Variants in C3orf52 observed in about 807,000 individuals in gnomAD.
C3orf52 encodes the protein chromosome 3 open reading frame 52.
A neutral mutation model predicts 24.8 loss-of-function variants in C3orf52; 22 were observed. That is an observed-to-expected ratio of 0.89 (90% CI 0.63 to 1.27). The LOEUF (loss-of-function observed/expected upper bound fraction) is 1.27, where lower values mean the gene tolerates loss of function less well. Ranked by LOEUF, C3orf52 falls within the 50% of genes most tolerant of loss-of-function variation. C3orf52 has a pLI of 0.00. For missense variants in C3orf52, 265 were observed against 260.7 expected (o/e 1.02, Z -0.11); for synonymous variants, 93 against 100.2 (o/e 0.93, Z 0.43).
chr3:112,105,080 G>A (rs951690175), intron 3 of C3orf52, among the ~76,000 whole-genome samples: 2 of 152,152 alleles, frequency 1.3e-5, no homozygotes, highest in South Asian at 2.1e-4. Flanking sequence ...AGTCAGATAT[G>A]AGGAAATTCT....
At chr3:112,112,900 A>G (rs2074098635) in intron 4 of C3orf52, 64 bp from the exon 5 acceptor site, 4 of 1,347,880 alleles carry the variant, frequency 3.0e-6, no homozygotes, top group Non-Finnish European at 4.2e-6. Flanking sequence ...GTTATTGCTT[A>G]AATTCATTTC....
chr3:112,132,355 C>A (rs2107817786), downstream of C3orf52, among the ~76,000 whole-genome samples: 1 of 152,286 alleles, frequency 6.6e-6, no homozygotes, highest in Non-Finnish European at 1.5e-5. Flanking sequence ...CTTACTCTCT[C>A]TAGATCACCC....
At chr3:112,089,261 C>T (rs966283593) in intron 1 of C3orf52, among the ~76,000 whole-genome samples, 2 of 152,188 alleles carry the variant, frequency 1.3e-5, no homozygotes, top group Admixed American at 6.5e-5. Flanking sequence ...TACAGCGGCT[C>T]ACGCCTGTAA....
chr3:112,119,456 C>T (rs748064424), downstream of C3orf52: 37 of 702,728 alleles, frequency 5.3e-5, no homozygotes, highest in Middle Eastern at 2.3e-4. Context: ...AATCAGAGGA[C>T]GTTTTTTTGT....
chr3:112,087,568 A>G (rs746850000), intron 1 of C3orf52, among the ~76,000 whole-genome samples: 91 of 152,208 alleles, frequency 6.0e-4, no homozygotes, highest in Non-Finnish European at 1.2e-3. Context: ...AGGAAATTCA[A>G]AAGTTGAAAG....
intron 2 of C3orf52, among the ~76,000 whole-genome samples, chr3:112,094,320 CTGTT>C (rs751733487): frequency 7.9e-5 from 12 of 152,088 alleles, no homozygotes; most frequent in Non-Finnish European, 1.0e-4. Flanking sequence ...TTAGAAATGA[CTGTT>C]TATTTTATTA....
downstream of C3orf52, among the ~76,000 whole-genome samples, chr3:112,132,010 A>C (rs367792296): frequency 1.3e-3 from 199 of 152,334 alleles, no homozygotes; most frequent in Admixed American, 2.4e-3. Context: ...GTGATATGCC[A>C]GAAACAATGC....
chr3:112,103,729 G>A (rs1395875699), intron 3 of C3orf52, among the ~76,000 whole-genome samples: 1 of 152,194 alleles, frequency 6.6e-6, no homozygotes, highest in Non-Finnish European at 1.5e-5. Context: ...GTGAAGTGAT[G>A]CTCAGGATGA....
chr3:112,121,413 C>T (rs372258142), downstream of C3orf52: 20 of 152,114 alleles, frequency 1.3e-4, no homozygotes, highest in African/African-American at 2.2e-4. Context: ...ATCATTTATT[C>T]GGCATCTGTA....
At position 112,112,740 on chromosome 3, in the gene C3orf52, G is replaced by C. The variant is rs1156637270; in HGVS notation, c.468-224G>C. On this transcript the variant is annotated intron_variant, in intron 4 of 5. Coordinates refer to ENST00000264848, the MANE Select transcript of C3orf52 (RefSeq NM_024616.3). ...CTCCCAGTGGATTCCTAGAGGATAG[G>C]TACTAGGTGGAAGGAGGAGGTTAGG... The C allele has an allele frequency of 1.2e-5, 7 of 564,210 alleles. No homozygotes were observed. In the African/African-American group the frequency reaches 1.3e-4, roughly 11 times the overall value. The allele number at this position is 564,210 out of a possible 1,614,324, so 35.0% of individuals were successfully genotyped here. A position where few individuals can be genotyped will look rare whatever the true frequency, so the allele number is the denominator to read the frequency against.
At chr3:112,132,883 C>T (rs537975820), downstream of C3orf52, 25 of 534,410 alleles carry the variant, frequency 4.7e-5, no homozygotes, top group African/African-American at 4.5e-4. Context: ...ATCAGCTGCT[C>T]ACCATGATTC....
At chr3:112,128,293 A>G (rs2074376003) in exon 5 of C3orf52, 5 of 671,092 alleles carry the variant, frequency 7.5e-6, no homozygotes, top group African/African-American at 5.3e-5. Context: ...TGTTCCCAGC[A>G]AAGGAAAAAT....
intron 1 of C3orf52, among the ~76,000 whole-genome samples, chr3:112,087,409 C>T (rs1260177194): frequency 6.6e-6 from 1 of 152,120 alleles, no homozygotes; most frequent in Non-Finnish European, 1.5e-5. Context: ...GACTTCCCAG[C>T]CATCCACCTT....
chr3:112,114,224 A>G (rs1339355232), intron 5 of C3orf52, among the ~76,000 whole-genome samples: 1 of 152,182 alleles, frequency 6.6e-6, no homozygotes, highest in East Asian at 1.9e-4. Flanking sequence ...TGGCCTAAGA[A>G]GGCAGAACGT....
At chr3:112,101,827 A>G (rs1015435273) in intron 2 of C3orf52, among the ~76,000 whole-genome samples, 6 of 152,284 alleles carry the variant, frequency 3.9e-5, no homozygotes, top group African/African-American at 1.4e-4. Flanking sequence ...TCAGGGCCAG[A>G]GAGGTAGTCT....
downstream of C3orf52, chr3:112,133,055 C>T (rs375501793): frequency 8.7e-6 from 14 of 1,603,500 alleles, no homozygotes; most frequent in African/African-American, 1.5e-4. Flanking sequence ...TGTCCTGTCC[C>T]ATCTCCTCTG....
At chr3:112,129,554 G>C (rs1001336057), downstream of C3orf52, 2 of 152,140 alleles carry the variant, frequency 1.3e-5, no homozygotes, top group Non-Finnish European at 2.9e-5. Context: ...CTTTCACAAT[G>C]CCTTCTCTGG....
At chr3:112,119,521 A>T, downstream of C3orf52, 5 of 702,908 alleles carry the variant, frequency 7.1e-6, no homozygotes, top group Non-Finnish European at 1.3e-5. Flanking sequence ...GAATAAGAAG[A>T]TTTGCCTTCC....
chr3:112,101,084 A>G (rs958104286), intron 2 of C3orf52, among the ~76,000 whole-genome samples: 2 of 152,144 alleles, frequency 1.3e-5, no homozygotes, highest in African/African-American at 4.8e-5. Context: ...ATACAACATA[A>G]TGTCATGACT....
Sources: allele counts gnomAD v4.1 joint callset (sites outside exome capture counted in the v4.1 genomes callset), GRCh38; gene constraint gnomAD v4.1.1; transcripts MANE v1.5; gene names NCBI Gene and HGNC (gene_info 2026-07-23, HGNC 2026-07-21).